Variants in CFAP20DC observed in about 807,000 individuals in gnomAD.
The protein encoded by CFAP20DC is protein CFAP20DC.
CFAP20DC carries 84 observed loss-of-function variants against 101.7 expected under a neutral mutation model. That is an observed-to-expected ratio of 0.83 (90% CI 0.69 to 0.99). The LOEUF (loss-of-function observed/expected upper bound fraction) is 0.99, where lower values mean the gene tolerates loss of function less well. Ranked by LOEUF, CFAP20DC falls within the 50% of genes least tolerant of loss-of-function variation. The pLI is 0.00. For missense variants in CFAP20DC, 1,007 were observed against 970.3 expected (o/e 1.04, Z -0.50); for synonymous variants, 359 against 351.2 (o/e 1.02, Z -0.25).
At chr3:58,837,097 T>G (rs893555886) in intron 13 of CFAP20DC, among the ~76,000 whole-genome samples, 1 of 152,154 alleles carries the variant, frequency 6.6e-6, no homozygotes, top group Non-Finnish European at 1.5e-5. Context: ...TACTTATACA[T>G]TACTGTTTCA....
chr3:58,720,112 C>T (rs2067450722), intron 3 of CFAP20DC, among the ~76,000 whole-genome samples: 1 of 152,242 alleles, frequency 6.6e-6, no homozygotes, highest in Non-Finnish European at 1.5e-5. Context: ...CTGCTCCCTG[C>T]TTCAAGCTCT....
At chr3:58,790,295 T>C (rs1393953294) in intron 15 of CFAP20DC, among the ~76,000 whole-genome samples, 3 of 152,110 alleles carry the variant, frequency 2.0e-5, no homozygotes, top group Admixed American at 2.0e-4. Flanking sequence ...TTATTCTCAG[T>C]TGTATATCTT....
chr3:58,821,988 C>A (rs1344755307), intron 14 of CFAP20DC, among the ~76,000 whole-genome samples: 2 of 143,488 alleles, frequency 1.4e-5, no homozygotes, highest in African/African-American at 5.5e-5. Context: ...AGTTCATGTC[C>A]TTTGTAGGGA....
intron 3 of CFAP20DC, among the ~76,000 whole-genome samples, chr3:58,730,263 G>T (rs922217355): frequency 1.3e-5 from 2 of 152,140 alleles, no homozygotes. Context: ...AGTACTGTAT[G>T]GGAGATGATG....
intron 14 of CFAP20DC, among the ~76,000 whole-genome samples, chr3:58,819,471 T>A (rs1423132057): frequency 6.7e-6 from 1 of 149,156 alleles, no homozygotes; most frequent in Non-Finnish European, 1.5e-5. Context: ...TCACCACCGA[T>A]CCCACAGAAA....
At chr3:58,785,812 A>G (rs901276323) in intron 15 of CFAP20DC, among the ~76,000 whole-genome samples, 26 of 152,050 alleles carry the variant, frequency 1.7e-4, no homozygotes, top group African/African-American at 5.1e-4. Flanking sequence ...AACTCTCTCT[A>G]CTTTCCCTCT....
chr3:58,943,958 G>A (rs949464510), intron 4 of CFAP20DC, among the ~76,000 whole-genome samples: 7 of 151,840 alleles, frequency 4.6e-5, no homozygotes, highest in South Asian at 2.1e-4. Context: ...TCAATCAAGC[G>A]GAAGAAAGGA....
intron 13 of CFAP20DC, among the ~76,000 whole-genome samples, chr3:58,835,495 G>C (rs1575823768): frequency 6.6e-6 from 1 of 152,270 alleles, no homozygotes; most frequent in East Asian, 1.9e-4. Flanking sequence ...GAAATAGATT[G>C]ATTCGTTAAT....
intron 6 of CFAP20DC, among the ~76,000 whole-genome samples, chr3:58,911,850 G>A (rs2084190249): frequency 6.6e-6 from 1 of 152,070 alleles, no homozygotes; most frequent in Non-Finnish European, 1.5e-5. Context: ...TGGAGTTAGA[G>A]CAGGAACCTG....
chr3:58,913,988 T>C lies in CFAP20DC; in HGVS notation c.394-124A>G. Reference sequence around the variant, plus strand: ...CCTGATCAACAAGCCCCAAACTAATTTTCCTCTTTAGGTAAACTTATCTCT... The same window carrying C: ...CCTGATCAACAAGCCCCAAACTAATCTTCCTCTTTAGGTAAACTTATCTCT... On this transcript the variant is annotated intron_variant, in intron 5 of 16. Coordinates refer to ENST00000482387, the MANE Select transcript of CFAP20DC (RefSeq NM_001394063.1). The surrounding 1 kb of genome is among the most constrained non-coding windows in gnomAD (Gnocchi z 4.4). 1 of 1,006,124 alleles carries C rather than the reference T, an allele frequency of 9.9e-7. No homozygotes were observed. Among genetic ancestry groups the C allele is most frequent in the East Asian group, 2.6e-5 (1 of 39,170 alleles). 62.3% of individuals were successfully genotyped at this position (1,006,124 alleles called of 1,614,324 possible).
chr3:59,021,011 G>A (rs1179831686), intron 4 of CFAP20DC, among the ~76,000 whole-genome samples: 1 of 151,952 alleles, frequency 6.6e-6, no homozygotes, highest in Non-Finnish European at 1.5e-5. Flanking sequence ...GTTCCTCCAG[G>A]CTCTCTCTTC....
At chr3:58,769,831 T>C (rs998848078) in intron 15 of CFAP20DC, among the ~76,000 whole-genome samples, 2 of 152,178 alleles carry the variant, frequency 1.3e-5, no homozygotes, top group African/African-American at 2.4e-5. Flanking sequence ...TCCAGGTTTA[T>C]ATGGAGGTAT....
intron 15 of CFAP20DC, among the ~76,000 whole-genome samples, chr3:58,762,907 G>C (rs995625338): frequency 6.6e-6 from 1 of 152,198 alleles, no homozygotes; most frequent in Non-Finnish European, 1.5e-5. Context: ...GGAGAAATCA[G>C]CTGTTAGTCT....
intron 3 of CFAP20DC, among the ~76,000 whole-genome samples, chr3:58,718,787 T>A (rs2067430371): frequency 6.6e-6 from 1 of 152,214 alleles, no homozygotes; most frequent in South Asian, 2.1e-4. Flanking sequence ...ATTGGCCTGC[T>A]CTTGGTATGC....
intron 4 of CFAP20DC, among the ~76,000 whole-genome samples, chr3:58,956,403 A>C (rs1049687638): frequency 1.3e-5 from 2 of 152,070 alleles, no homozygotes; most frequent in African/African-American, 4.8e-5. Flanking sequence ...CAGTACTCCC[A>C]GTGGGCATGA....
intron 4 of CFAP20DC, among the ~76,000 whole-genome samples, chr3:58,986,198 G>T (rs2092744987): frequency 1.3e-5 from 2 of 152,146 alleles, no homozygotes; most frequent in South Asian, 4.1e-4. Flanking sequence ...AGTTGATTGA[G>T]TATCAGAATA....
chr3:58,803,813 T>C (rs1308349887), intron 15 of CFAP20DC, among the ~76,000 whole-genome samples: 4 of 152,262 alleles, frequency 2.6e-5, no homozygotes, highest in Admixed American at 6.5e-5. Flanking sequence ...TTGTTCTTTT[T>C]ATTTCATTAT....
intron 5 of CFAP20DC, among the ~76,000 whole-genome samples, chr3:58,924,572 T>C (rs1241526146): frequency 1.3e-5 from 2 of 152,140 alleles, no homozygotes; most frequent in Admixed American, 1.3e-4. Context: ...GAGGATTTCT[T>C]TTCCTTAGGG....
chr3:58,884,765 A>G, intron 6 of CFAP20DC, 56 bp from the exon 7 acceptor site: 1 of 1,358,408 alleles, frequency 7.4e-7, no homozygotes, highest in Non-Finnish European at 1.0e-6. Context: ...TGCCAAATGG[A>G]CCTATCATAT....
Sources: gnomAD v4.1 joint callset for allele counts (sites outside exome capture counted in the v4.1 genomes callset) on GRCh38, gnomAD v4.1.1 for gene constraint, Gnocchi (gnomAD v3.1) non-coding constraint, MANE v1.5 for transcripts, NCBI Gene and HGNC (gene_info 2026-07-23, HGNC 2026-07-21) for gene names.